EXT2: variants seen among roughly 807,000 people sequenced by gnomAD.
EXT2 encodes exostosin-2.
In EXT2, 53 loss-of-function variants were observed where a neutral mutation model predicts 81.6. The ratio of observed to expected loss-of-function variants is 0.65; its 90% confidence interval spans 0.52 to 0.82. The LOEUF is 0.82. EXT2 is among the 40% of genes least tolerant of loss of function. The pLI, the probability that EXT2 is intolerant of heterozygous loss-of-function variation, is 0.00. For synonymous variants in EXT2, 320 were observed against 340.0 expected (o/e 0.94, Z 0.65); for missense variants, 774 against 910.2 (o/e 0.85, Z 1.93).
chr11:44,136,166 C>T (rs772749761), intron 7 of EXT2, among the ~76,000 whole-genome samples: 1 of 152,178 alleles, frequency 6.6e-6, no homozygotes, highest in African/African-American at 2.4e-5. Context: ...ACTGAGGGTT[C>T]CCTGTGCTGC....
chr11:44,125,427 T>G (rs1364337050), intron 5 of EXT2, among the ~76,000 whole-genome samples: 1 of 152,146 alleles, frequency 6.6e-6, no homozygotes, highest in Non-Finnish European at 1.5e-5. Flanking sequence ...GGGGTTGTTT[T>G]GATTGTTTTG....
intron 7 of EXT2, among the ~76,000 whole-genome samples, chr11:44,139,763 G>T (rs138714060): frequency 1.4e-4 from 22 of 152,246 alleles, no homozygotes; most frequent in African/African-American, 5.3e-4. Flanking sequence ...GCTGGTTTCC[G>T]TGGCCCCTGC....
chr11:44,218,359 C>G (rs1213142915), intron 10 of EXT2, among the ~76,000 whole-genome samples: 1 of 152,014 alleles, frequency 6.6e-6, no homozygotes, highest in East Asian at 1.9e-4. Context: ...AGCGGTGTGG[C>G]AGAGTAGGAA....
chr11:44,141,885 T>A (rs1235772686), intron 7 of EXT2, among the ~76,000 whole-genome samples: 1 of 152,208 alleles, frequency 6.6e-6, no homozygotes, highest in African/African-American at 2.4e-5. Context: ...TTCTGAGAAA[T>A]AATGATCATT....
intron 4 of EXT2, among the ~76,000 whole-genome samples, chr11:44,119,169 T>TATACATATATATATATATATAC (rs1192115471): frequency 1.6e-5 from 1 of 63,130 alleles, no homozygotes; most frequent in South Asian, 5.6e-4. Flanking sequence ...TATATATATA[T>TATACATATATATATATATATAC]ACACATACAC....
rs572302586 is a variant in EXT2 at position 44,108,238 on chromosome 11, C to G, written c.526C>G (p.Gln176Glu). The change falls in exon 2 of 14, where the codon CAG (glutamine) becomes GAG (glutamate). Residue 176 changes from glutamine (Q) to glutamate (E), a missense_variant. Transcript: ENST00000533608. ...CAAGGAGACAGCACAAGCGATGGCC[C>G]AGCTCTCTAGGTATCTCACACTCAT... Reference protein sequence around the residue: ...RIKETAQAMAQLSRWDRGTNH... With the variant: ...RIKETAQAMAELSRWDRGTNH... The G allele has an allele frequency of 1.2e-6, 2 of 1,612,258 alleles. No individual in the cohort carries two copies. Among genetic ancestry groups the G allele is most frequent in the African/African-American group, 2.7e-5 (2 of 75,034 alleles).
chr11:44,109,157 A>G, intron 2 of EXT2, 37 bp from the exon 3 acceptor site: 4 of 1,602,678 alleles, frequency 2.5e-6, no homozygotes, highest in Non-Finnish European at 3.4e-6. Flanking sequence ...TTCATAGTTG[A>G]CACATTAATT....
At chr11:44,159,344 G>A (rs1162583621) in intron 7 of EXT2, among the ~76,000 whole-genome samples, 1 of 150,602 alleles carries the variant, frequency 6.6e-6, no homozygotes, top group Admixed American at 6.6e-5. Context: ...GTTTTCTTCA[G>A]TCTTTTTTTT....
intron 10 of EXT2, among the ~76,000 whole-genome samples, chr11:44,225,937 A>T (rs1261667172): frequency 6.6e-6 from 1 of 152,222 alleles, no homozygotes; most frequent in African/African-American, 2.4e-5. Context: ...TATTATCCAC[A>T]GAAGGCTCAT....
At chr11:44,173,124 G>T (rs1955100483) in intron 8 of EXT2, among the ~76,000 whole-genome samples, 1 of 152,208 alleles carries the variant, frequency 6.6e-6, no homozygotes, top group African/African-American at 2.4e-5. Flanking sequence ...TAGAGGTCCT[G>T]TAGTGGAGTA....
chr11:44,203,609 T>C (rs1305141830), intron 9 of EXT2, among the ~76,000 whole-genome samples: 1 of 152,114 alleles, frequency 6.6e-6, no homozygotes, highest in Non-Finnish European at 1.5e-5. Context: ...GCTGGGAAGC[T>C]TCCTGGAGGG....
chr11:44,237,957 C>T (rs532003233), intron 13 of EXT2, among the ~76,000 whole-genome samples: 2 of 143,646 alleles, frequency 1.4e-5, no homozygotes, highest in African/African-American at 5.2e-5. Context: ...GGTGTGGTGG[C>T]GCATGCCTGT....
At chr11:44,161,627 A>G (rs1032362628) in intron 7 of EXT2, among the ~76,000 whole-genome samples, 2 of 152,094 alleles carry the variant, frequency 1.3e-5, no homozygotes, top group African/African-American at 4.8e-5. Context: ...AAGCTTCATT[A>G]CTCTCCCTTT....
chr11:44,157,801 G>C (rs1344963987), intron 7 of EXT2, among the ~76,000 whole-genome samples: 1 of 152,178 alleles, frequency 6.6e-6, no homozygotes, highest in Non-Finnish European at 1.5e-5. Context: ...GTCTCTCCCA[G>C]TGGCCACCAC....
rs535730754 is a variant in EXT2 at position 44,248,121 on chromosome 11, C to T, written c.*3834C>T. 6.6e-6 allele frequency among the ~76,000 whole-genome samples: 1 copy of T among 152,254 alleles called. No homozygotes were observed. The highest frequency in any genetic ancestry group is 1.5e-5 in the Non-Finnish European group (1 of 68,024). On this transcript the variant is annotated 3_prime_UTR_variant, in exon 14 of 14. Transcript: ENST00000533608. ...TCATGAGCCTGGTGTGTTTCCTTTG[C>T]TTTGTAGCTCCTTTGGGGGTATGCT...
chr11:44,098,676 CAG>C (rs1440144797), intron 1 of EXT2, among the ~76,000 whole-genome samples: 23 of 128,480 alleles, frequency 1.8e-4, no homozygotes, highest in African/African-American at 6.0e-4. Context: ...GCCTGGGCAA[CAG>C]AGAGAGATTC....
intron 10 of EXT2, among the ~76,000 whole-genome samples, chr11:44,213,123 C>T (rs993628843): frequency 6.6e-6 from 1 of 151,860 alleles, no homozygotes; most frequent in Non-Finnish European, 1.5e-5. Flanking sequence ...GCATTAAATG[C>T]TTATATTATA....
At position 44,245,574 on chromosome 11, in the gene EXT2, C is replaced by T. The variant is rs1378548473; in HGVS notation, c.*1287C>T. On this transcript the variant is annotated 3_prime_UTR_variant, in exon 14 of 14. Transcript: ENST00000533608. ...TGGGCTTTAGCCACAACATATGTCC[C>T]CAAAACACAAAATACATAACAATTT... 5.7e-6 allele frequency: 1 copy of T among 174,226 alleles called. No individual in the cohort carries two copies. The highest frequency in any genetic ancestry group is 1.2e-5 in the Non-Finnish European group (1 of 80,730). 10.8% of individuals were successfully genotyped at this position (174,226 alleles called of 1,614,324 possible).
intron 10 of EXT2, among the ~76,000 whole-genome samples, chr11:44,210,442 T>G (rs1002423740): frequency 1.3e-5 from 2 of 152,090 alleles, no homozygotes; most frequent in Non-Finnish European, 2.9e-5. Context: ...TTCTGGAAAG[T>G]ACAAACTAAC....
Sources: allele counts gnomAD v4.1 joint callset (sites outside exome capture counted in the v4.1 genomes callset), GRCh38; gene constraint gnomAD v4.1.1; transcripts MANE v1.5; gene names NCBI Gene and HGNC (gene_info 2026-07-23, HGNC 2026-07-21).